Variants in FOXN3 observed in about 807,000 individuals in gnomAD.
FOXN3 encodes the protein forkhead box protein N3.
FOXN3 carries 7 observed loss-of-function variants against 38.4 expected under a neutral mutation model. The observed-to-expected ratio is 0.18, with a 90% CI of 0.10 to 0.34. FOXN3 has a LOEUF of 0.34. FOXN3 is among the 10% of genes least tolerant of loss of function. The pLI is 1.00. For synonymous variants in FOXN3, 230 were observed against 242.2 expected, an observed-to-expected ratio of 0.95 and a Z score of 0.47; for missense variants, 456 against 613.4, an observed-to-expected ratio of 0.74 and a Z score of 2.71.
At chr14:89,307,176 A>G (rs1887402982) in intron 3 of FOXN3, among the ~76,000 whole-genome samples, 2 of 152,308 alleles carry the variant, frequency 1.3e-5, no homozygotes, top group Non-Finnish European at 2.9e-5. Flanking sequence ...TTTCCAGAAA[A>G]CAGTCCCTGT....
rs1457084212 is a variant in FOXN3 at position 89,462,811 on chromosome 14, A to T, written c.-14-50321T>A. Among the ~76,000 whole-genome samples, 47 of 151,426 alleles carry T rather than the reference A, an allele frequency of 3.1e-4. 1 individual carries two copies. The Middle Eastern group carries it at 0.031, about 99-fold the overall frequency. On this transcript the variant is annotated intron_variant, in intron 1 of 6. Coordinates refer to the FOXN3 transcript ENST00000345097. ...GCGATTCTCTCACTTCAGCCTCCTG[A>T]GTAGCTGGGACTACAGGCGCCCGCC... is the stretch of plus-strand genomic sequence containing the variant.
At chr14:89,598,727 A>T (rs923777649) in intron 1 of FOXN3, among the ~76,000 whole-genome samples, 12 of 152,246 alleles carry the variant, frequency 7.9e-5, no homozygotes, top group African/African-American at 2.7e-4. Flanking sequence ...CCAGTTCAAA[A>T]GTCAGTTGTC....
intron 2 of FOXN3, chr14:89,409,539 A>T (rs913760739): frequency 9.2e-5 from 14 of 152,250 alleles, no homozygotes; most frequent in African/African-American, 3.4e-4. Flanking sequence ...GTGCACCGGC[A>T]TTATGTCAAA....
chr14:89,613,109 T>G (rs1335219129), intron 1 of FOXN3, among the ~76,000 whole-genome samples: 53 of 97,824 alleles, frequency 5.4e-4, no homozygotes, highest in Non-Finnish European at 9.5e-5. Flanking sequence ...AGAGCAAGAC[T>G]CTGTCTCAAA....
At chr14:89,365,383 A>T (rs1247137396) in intron 2 of FOXN3, among the ~76,000 whole-genome samples, 1 of 152,250 alleles carries the variant, frequency 6.6e-6, no homozygotes, top group Non-Finnish European at 1.5e-5. Context: ...TAAAATGATC[A>T]TGAAAACATC....
chr14:89,346,524 C>G (rs1888763304), intron 3 of FOXN3, among the ~76,000 whole-genome samples: 1 of 152,142 alleles, frequency 6.6e-6, no homozygotes, highest in Non-Finnish European at 1.5e-5. Flanking sequence ...CATGACTAGA[C>G]AGGGGTTATG....
chr14:89,344,398 C>T lies in FOXN3; in HGVS notation c.680+6274G>A, dbSNP rs540908837. On this transcript the variant is annotated intron_variant, in intron 3 of 5. Transcript: ENST00000557258. ...GAATTACCAAGGAAACACAAAACAA[C>T]GCTGGCTCTGAAAACCAATCATCCA... 4.6e-5 allele frequency among the ~76,000 whole-genome samples: 7 copies of T among 152,250 alleles called. No individual in the cohort carries two copies. The South Asian group carries it at 1.0e-3, about 23-fold the overall frequency.
At chr14:89,307,610 C>T (rs1020576692) in intron 3 of FOXN3, among the ~76,000 whole-genome samples, 1 of 152,182 alleles carries the variant, frequency 6.6e-6, no homozygotes, top group African/African-American at 2.4e-5. Context: ...TCTCTCCCTT[C>T]GGTTCTCCAT....
At chr14:89,501,293 G>A (rs1893795102) in intron 1 of FOXN3, among the ~76,000 whole-genome samples, 1 of 152,150 alleles carries the variant, frequency 6.6e-6, no homozygotes, top group Non-Finnish European at 1.5e-5. Flanking sequence ...TTTTAGTAGA[G>A]AACAAATAAT....
intron 2 of FOXN3, among the ~76,000 whole-genome samples, chr14:89,388,952 C>T (rs937769906): frequency 1.3e-5 from 2 of 151,932 alleles, no homozygotes; most frequent in African/African-American, 2.4e-5. Context: ...AAACCAAAGT[C>T]GGGTGATCCA....
chr14:89,325,757 T>G (rs1464343880), intron 3 of FOXN3, among the ~76,000 whole-genome samples: 1 of 152,142 alleles, frequency 6.6e-6, no homozygotes, highest in Non-Finnish European at 1.5e-5. Flanking sequence ...ACAGAGCTAG[T>G]GAAGTGGCAG....
At chr14:89,464,176 G>T (rs767655565) in intron 1 of FOXN3, among the ~76,000 whole-genome samples, 4 of 152,208 alleles carry the variant, frequency 2.6e-5, no homozygotes, top group Non-Finnish European at 5.9e-5. Flanking sequence ...GAGTAGAGAT[G>T]TGGCACAAAG....
intron 1 of FOXN3, among the ~76,000 whole-genome samples, chr14:89,504,264 C>A (rs983174243): frequency 6.6e-6 from 1 of 152,218 alleles, no homozygotes; most frequent in Admixed American, 6.5e-5. Context: ...AGCTCACTTT[C>A]CCAGGCACGT....
intron 4 of FOXN3, among the ~76,000 whole-genome samples, chr14:89,190,776 G>A (rs1887921572): frequency 6.6e-6 from 1 of 152,136 alleles, no homozygotes; most frequent in Non-Finnish European, 1.5e-5. Context: ...GTGGGGTGAG[G>A]AGCAGGAGAG....
At position 89,482,182 on chromosome 14, in the gene FOXN3, C is replaced by T. The variant is rs555366945; in HGVS notation, c.-14-69692G>A. On this transcript the variant is annotated intron_variant, in intron 1 of 6. Transcript: ENST00000345097. ...AACAAAGGCACAAAAAAAGTATATA[C>T]TTTCCCCTAGTGACTCAGTGTTGCT... Among the ~76,000 whole-genome samples, 167 of 152,282 alleles carry T rather than the reference C, an allele frequency of 1.1e-3. 1 individual carries two copies. Among genetic ancestry groups the T allele is most frequent in the African/African-American group, 3.9e-3 (161 of 41,564 alleles).
intron 4 of FOXN3, among the ~76,000 whole-genome samples, chr14:89,215,407 CAGAG>C (rs1322718160): frequency 1.3e-5 from 2 of 151,082 alleles, no homozygotes; most frequent in Non-Finnish European, 2.9e-5. Context: ...GACTTCTTTA[CAGAG>C]AGACATACTG....
intron 4 of FOXN3, among the ~76,000 whole-genome samples, chr14:89,256,367 G>A (rs1229787784): frequency 1.3e-5 from 2 of 152,188 alleles, no homozygotes; most frequent in Non-Finnish European, 2.9e-5. Context: ...ATTGATGAAC[G>A]GCACTGAGGG....
chr14:89,489,984 AG>A (rs1893540302), intron 1 of FOXN3, among the ~76,000 whole-genome samples: 1 of 152,210 alleles, frequency 6.6e-6, no homozygotes, highest in Non-Finnish European at 1.5e-5. Context: ...ATACAACTGC[AG>A]GCAGGAGTAA....
chr14:89,174,355 G>C (rs1343486131), intron 5 of FOXN3, among the ~76,000 whole-genome samples: 1 of 152,162 alleles, frequency 6.6e-6, no homozygotes, highest in Admixed American at 6.5e-5. Context: ...GGGCCAGGTG[G>C]TCAGCTCTAA....
Sources: allele counts gnomAD v4.1 joint callset (sites outside exome capture counted in the v4.1 genomes callset), GRCh38; gene constraint gnomAD v4.1.1; transcripts MANE v1.5; gene names NCBI Gene and HGNC (gene_info 2026-07-23, HGNC 2026-07-21).